SYN3: variants seen among roughly 807,000 people sequenced by gnomAD.
The protein encoded by SYN3 is synapsin-3.
Under a neutral mutation model 65.8 loss-of-function variants are expected in SYN3, and 35 were observed. The ratio of observed to expected loss-of-function variants is 0.53; its 90% CI spans 0.41 to 0.70. The LOEUF is 0.70. SYN3 is among the 30% of genes least tolerant of loss of function. The pLI, the probability that SYN3 is intolerant of heterozygous loss-of-function variation, is 0.00. For synonymous variants in SYN3, 270 were observed against 292.9 expected (o/e 0.92, Z 0.80); for missense variants, 680 against 749.0 (o/e 0.91, Z 1.08).
At chr22:32,952,916 T>A (rs751383134) in intron 3 of SYN3, among the ~76,000 whole-genome samples, 1 of 152,230 alleles carries the variant, frequency 6.6e-6, no homozygotes, top group African/African-American at 2.4e-5. Context: ...TTAGCCTTCT[T>A]ATGCCTTAGT....
chr22:32,773,722 G>C (rs180713231), intron 6 of SYN3, among the ~76,000 whole-genome samples: 102 of 152,292 alleles, frequency 6.7e-4, no homozygotes, highest in Admixed American at 1.7e-3. Context: ...GACAGTGTCT[G>C]TTCATAAGAG....
intron 8 of SYN3, among the ~76,000 whole-genome samples, chr22:32,541,068 G>GT (rs2146235867): frequency 6.6e-6 from 1 of 152,284 alleles, no homozygotes; most frequent in African/African-American, 2.4e-5. Flanking sequence ...AACCCATTAA[G>GT]TTAATGAGAT....
At chr22:32,592,616 T>C (rs965476556) in intron 7 of SYN3, among the ~76,000 whole-genome samples, 6 of 152,172 alleles carry the variant, frequency 3.9e-5, no homozygotes, top group Admixed American at 2.0e-4. Context: ...CTCTTACTAG[T>C]TGAATTTTCT....
At chr22:32,856,054 A>G (rs1427378) in intron 6 of SYN3, among the ~76,000 whole-genome samples, 40,272 of 152,024 alleles carry the variant, frequency 0.26, 5,638 homozygotes, top group African/African-American at 0.35. Flanking sequence ...GCCAAATAGA[A>G]TTTCTATAAA....
chr22:32,690,565 T>G (rs4821088), intron 6 of SYN3, among the ~76,000 whole-genome samples: 53 of 152,176 alleles, frequency 3.5e-4, no homozygotes, highest in Admixed American at 1.2e-3. Flanking sequence ...CCTTTCCCTG[T>G]GCTCAGGAGC....
intron 1 of SYN3, among the ~76,000 whole-genome samples, chr22:33,040,768 C>G (rs2053949063): frequency 6.6e-6 from 1 of 152,160 alleles, no homozygotes; most frequent in African/African-American, 2.4e-5. Context: ...TCTGTCATTT[C>G]CCCTGCTTGC....
intron 6 of SYN3, among the ~76,000 whole-genome samples, chr22:32,694,632 T>C (rs2060711527): frequency 6.6e-6 from 1 of 152,212 alleles, no homozygotes; most frequent in African/African-American, 2.4e-5. Context: ...TATGAAATCG[T>C]GTACAGGCAG....
At chr22:32,596,549 C>A in intron 7 of SYN3, 125 bp downstream of exon 7, 2 of 931,480 alleles carry the variant, frequency 2.1e-6, no homozygotes, top group Non-Finnish European at 3.3e-6. Context: ...ACTATGGATT[C>A]TTTCTAACAC....
intron 4 of SYN3, among the ~76,000 whole-genome samples, chr22:32,914,904 C>T (rs887470887): frequency 3.9e-5 from 6 of 152,180 alleles, no homozygotes; most frequent in African/African-American, 9.7e-5. Flanking sequence ...AGGAGTGGGG[C>T]TCAAACTAAG....
chr22:32,833,847 G>A (rs369851828), intron 6 of SYN3: 90 of 501,126 alleles, frequency 1.8e-4, no homozygotes, highest in Non-Finnish European at 3.0e-4. Context: ...ATTTAGCACT[G>A]ATCATGCATG....
chr22:32,901,384 C>T (rs1346980520), intron 4 of SYN3, among the ~76,000 whole-genome samples: 4 of 152,204 alleles, frequency 2.6e-5, no homozygotes, highest in Non-Finnish European at 4.4e-5. Flanking sequence ...AGTACAGTGT[C>T]TGGCTTTTAG....
intron 6 of SYN3, among the ~76,000 whole-genome samples, chr22:32,702,339 G>A (rs954939074): frequency 9.2e-5 from 14 of 152,256 alleles, no homozygotes; most frequent in African/African-American, 2.9e-4. Context: ...TTAGCCGGGC[G>A]TGGTGGCGGG....
At chr22:32,980,250 T>C (rs983794037) in intron 3 of SYN3, among the ~76,000 whole-genome samples, 6 of 152,136 alleles carry the variant, frequency 3.9e-5, no homozygotes, top group Admixed American at 3.9e-4. Flanking sequence ...GAGGCAGGAT[T>C]CAAGGCCCTT....
intron 6 of SYN3, among the ~76,000 whole-genome samples, chr22:32,622,930 G>C (rs1306833909): frequency 6.6e-6 from 1 of 152,086 alleles, no homozygotes; most frequent in Non-Finnish European, 1.5e-5. Context: ...CAGGGACAGA[G>C]ATGTGACTGA....
chr22:32,990,387 C>CCCATCCATCCACCCATCCAGCCATCCAT (rs2052672027), intron 2 of SYN3, among the ~76,000 whole-genome samples: 1 of 137,824 alleles, frequency 7.3e-6, no homozygotes, highest in Non-Finnish European at 1.6e-5. Flanking sequence ...CATCCATCCA[C>CCCATCCATCCACCCATCCAGCCATCCAT]CCATCCATCC....
chr22:32,615,432 TAAAAAAAAAAAAAAAAAAA>T (rs2059503627), intron 6 of SYN3, among the ~76,000 whole-genome samples: 1 of 74,416 alleles, frequency 1.3e-5, no homozygotes, highest in Non-Finnish European at 2.3e-5. Flanking sequence ...AGACTTCATC[TAAAAAAAAAAAAAAAAAAA>T]GAAAAAAAGA....
chr22:32,565,759 T>G (rs1045496145), intron 7 of SYN3, among the ~76,000 whole-genome samples: 5 of 152,156 alleles, frequency 3.3e-5, no homozygotes, highest in African/African-American at 1.2e-4. Context: ...TCCCCCAGGC[T>G]GGAGTGCAGT....
At chr22:32,827,312 T>C (rs762557978) in intron 6 of SYN3, among the ~76,000 whole-genome samples, 4 of 152,176 alleles carry the variant, frequency 2.6e-5, no homozygotes, top group Non-Finnish European at 4.4e-5. Context: ...AGTTTAAATA[T>C]GTGAATTCAT....
chr22:32,531,540 C>T (rs1191599344), intron 10 of SYN3, among the ~76,000 whole-genome samples: 1 of 152,174 alleles, frequency 6.6e-6, no homozygotes, highest in Non-Finnish European at 1.5e-5. Flanking sequence ...TGTCATTCCC[C>T]GGACAAGGTC....
Sources: allele counts gnomAD v4.1 joint callset (sites outside exome capture counted in the v4.1 genomes callset), GRCh38; gene constraint gnomAD v4.1.1; transcripts MANE v1.5; gene names NCBI Gene and HGNC (gene_info 2026-07-23, HGNC 2026-07-21).